The following MEIS3 variants were observed in gnomAD, a reference collection of about 807,000 sequenced individuals.
MEIS3 encodes the protein homeobox protein Meis3.
In MEIS3, 38 loss-of-function variants were observed where a neutral mutation model predicts 51.4. That is an observed-to-expected ratio of 0.74 (90% CI 0.57 to 0.97). The LOEUF (loss-of-function observed/expected upper bound fraction) is 0.97, where lower values mean the gene tolerates loss of function less well. MEIS3 is among the 50% of genes least tolerant of loss of function. The probability of loss-of-function intolerance (pLI) is 0.00; values close to 1 mark genes in which losing one functional copy is unlikely to be tolerated. For missense variants in MEIS3, 456 were observed against 502.6 expected (o/e 0.91, Z 0.89); for synonymous variants, 198 against 201.8 (o/e 0.98, Z 0.16).
Position 47,409,249 on chromosome 19 carries a change from T to A in MEIS3, c.710-2A>T. ...CCACGCTGGTGTCCAGCCCGTCTCCTGAGGGAAGGCAGGCATGCTGTGTGT... is the reference window on the plus strand; with the variant it reads ...CCACGCTGGTGTCCAGCCCGTCTCCAGAGGGAAGGCAGGCATGCTGTGTGT... On this transcript the variant is annotated splice_acceptor_variant, in intron 7 of 12. Coordinates refer to ENST00000558555, the MANE Select transcript of MEIS3 (RefSeq NM_001301059.2). LOFTEE classifies it high-confidence loss of function. 1 of 1,608,728 alleles carries A rather than the reference T, an allele frequency of 6.2e-7. No homozygotes were observed. Among genetic ancestry groups the A allele is most frequent in the South Asian group, 1.1e-5 (1 of 90,584 alleles).
chr19:47,420,938 A>ACTCT (rs1282443244), upstream of MEIS3, among the ~76,000 whole-genome samples: 15 of 83,612 alleles, frequency 1.8e-4, no homozygotes, highest in African/African-American at 6.0e-4. Context: ...ACACACACAC[A>ACTCT]CACTCTCTCT....
At chr19:47,421,292 T>C (rs1281624095), upstream of MEIS3, among the ~76,000 whole-genome samples, 1 of 151,966 alleles carries the variant, frequency 6.6e-6, no homozygotes, top group African/African-American at 2.4e-5. Flanking sequence ...CTGGGGGACC[T>C]CATGGGTCTC....
intron 6 of MEIS3, among the ~76,000 whole-genome samples, 194 bp downstream of exon 6, chr19:47,414,523 G>C (rs1971296269): frequency 6.6e-6 from 1 of 152,180 alleles, no homozygotes; most frequent in Admixed American, 6.5e-5. Context: ...GCGTGTGTCT[G>C]TGCACTGTTG....
upstream of MEIS3, among the ~76,000 whole-genome samples, chr19:47,422,117 T>G (rs1971728801): frequency 6.6e-6 from 1 of 151,880 alleles, no homozygotes; most frequent in South Asian, 2.1e-4. Flanking sequence ...CAGACTCCTG[T>G]GGCTCATTCG....
rs115782670 is a variant in MEIS3, at chr19:47,417,921, C to A, written c.13-571G>T. The A allele has an allele frequency of 9.8e-3, 5,541 of 567,866 alleles. 80 individuals are homozygous for A. Among genetic ancestry groups the A allele is most frequent in the East Asian group, 0.051 (1,744 of 34,434 alleles). 35.2% of individuals were successfully genotyped at this position (567,866 alleles called of 1,614,324 possible). A position where few individuals can be genotyped will look rare whatever the true frequency, so the allele number is the denominator to read the frequency against. ...GTGTCAGTCACACCCAAATCCCCCCCCCCACACACACATGCACACACACAT... is the reference window on the plus strand; with the variant it reads ...GTGTCAGTCACACCCAAATCCCCCCACCCACACACACATGCACACACACAT... On this transcript the variant is annotated intron_variant, in intron 1 of 12. Transcript: ENST00000558555.
chr19:47,417,951 A>G (rs1425466249), intron 1 of MEIS3: 1 of 522,634 alleles, frequency 1.9e-6, no homozygotes, highest in Non-Finnish European at 3.4e-6. Context: ...ACACATGCAC[A>G]CAGCCCAACA....
rs370671743 is a variant in MEIS3 at position 47,406,485 on chromosome 19, A to G, written c.1120T>C (p.Tyr374His). ...MSLNLEGEWHYL is the reference protein window; with the variant it reads ...MSLNLEGEWHHL ...CTCTCCTGCATCAGCCTCTATAGAT[A>G]ATGCCATTCTCCTTCCAAGTTCAAA... Residue 374 changes from tyrosine (Y) to histidine (H), a missense_variant, in exon 12 of 13, where the codon TAT becomes CAT. Transcript: ENST00000558555. 5 of 1,613,794 alleles carry G rather than the reference A, an allele frequency of 3.1e-6. No individual in the cohort carries two copies. The highest frequency in any genetic ancestry group is 4.2e-6 in the Non-Finnish European group (5 of 1,179,896).
chr19:47,417,481 C>A, intron 1 of MEIS3, 131 bp from the exon 2 acceptor site: 1 of 1,162,326 alleles, frequency 8.6e-7, no homozygotes. Context: ...CCTGTGGTCC[C>A]CAGGTGTCTG....
At position 47,407,415 on chromosome 19, in the gene MEIS3, G is replaced by C. The variant is rs749978826; in HGVS notation, c.872C>G (p.Ser291Trp). Residue 291 changes from serine (S) to tryptophan (W), a missense_variant, in exon 9 of 13, where the codon TCG becomes TGG. By Grantham distance (177) the Ser-to-Trp change is radical. Transcript: ENST00000558555. ...LFQHLSHPYPSEEQKKQLAQD... is the reference protein window; with the variant it reads ...LFQHLSHPYPWEEQKKQLAQD... ...CGCCAGCTGTTTCTTCTGCTCCTCC[G>C]AGGGGTACGGGTGCTGCAGCCACCA... The C allele has an allele frequency of 6.2e-7, 1 of 1,613,798 alleles. No individual in the cohort carries two copies. Among genetic ancestry groups the C allele is most frequent in the Non-Finnish European group, 8.5e-7 (1 of 1,179,902 alleles).
In MEIS3 at chr19:47,407,082, T is replaced by C; in HGVS notation, c.991A>G (p.Thr331Ala). 1 of 1,610,728 alleles carries C rather than the reference T, an allele frequency of 6.2e-7. No individual in the cohort carries two copies. The highest frequency in any genetic ancestry group is 8.5e-7 in the Non-Finnish European group (1 of 1,178,872). Residue 331 changes from threonine to alanine, a missense_variant, in exon 10 of 13, where the codon ACA becomes GCA. Thr to Ala is a moderately conservative substitution (Grantham distance 58). Transcript: ENST00000558555. ...VQPMIDQSNR[T>A]GQGAAFSPEG... ...CGTCCCCGCCTTCCCCCTGTACCTG[T>C]GCGGTTGGATTGATCGATCATAGGT...
chr19:47,420,643 G>A (rs927018099), upstream of MEIS3, among the ~76,000 whole-genome samples: 5 of 150,632 alleles, frequency 3.3e-5, no homozygotes, highest in African/African-American at 5.0e-5. Context: ...AGACCCTGGA[G>A]TCGTCCCTGC....
chr19:47,409,172 C>T lies in MEIS3; in HGVS notation c.785G>A (p.Arg262Gln), dbSNP rs563242031. 1.3e-5 allele frequency: 21 copies of T among 1,612,662 alleles called. No homozygotes were observed. Among genetic ancestry groups the T allele is most frequent in the African/African-American group, 1.2e-4 (9 of 74,954 alleles). Reference protein sequence around the residue: ...EDEDLDQERRRNKKRGIFPKV... With the variant: ...EDEDLDQERRQNKKRGIFPKV... ...GGGGAAGATCCCCCTCTTCTTGTTT[C>T]GCCGTCGCTCCTGGTCCAAGTCCTC... Residue 262 changes from arginine to glutamine, a missense_variant, in exon 8 of 13, where the codon CGA becomes CAA. By Grantham distance (43) the Arg-to-Gln change is conservative. Transcript: ENST00000558555.
In MEIS3 at chr19:47,409,422, C is replaced by T. The variant is rs777492599; in HGVS notation, c.709+14G>A. ...TGACTCCCATGTTTCCCTTCCACCT[C>T]CCAAGATTCTCACCTTGGTCACTGG... On this transcript the variant is annotated intron_variant, in intron 7 of 12. Coordinates refer to ENST00000558555, the MANE Select transcript of MEIS3 (RefSeq NM_001301059.2). 2.2e-5 allele frequency: 35 copies of T among 1,604,988 alleles called. No homozygotes were observed. Among genetic ancestry groups the T allele is most frequent in the East Asian group, 4.5e-5 (2 of 44,842 alleles).
rs113115068 is a variant in MEIS3, at chr19:47,403,725, G to A, written c.*18-172C>T. On this transcript the variant is annotated intron_variant, in intron 12 of 12. Transcript: ENST00000558555. ...TCACAGAGAGAAGAGACGCAGTGAC[G>A]AGAAAGAGGGAGACAGAGAATCAGA... is the stretch of plus-strand genomic sequence containing the variant. Among the ~76,000 whole-genome samples, 788 of 152,248 alleles carry A rather than the reference G, an allele frequency of 5.2e-3. 8 individuals carry two copies. Among genetic ancestry groups the A allele is most frequent in the African/African-American group, 0.018 (740 of 41,562 alleles).
intron 5 of MEIS3, 80 bp downstream of exon 5, chr19:47,414,971 G>C (rs1420719317): frequency 8.8e-7 from 1 of 1,131,084 alleles, no homozygotes; most frequent in Admixed American, 2.1e-5. Context: ...GGAGAGAGCT[G>C]GAAGGTGGGG....
chr19:47,416,968 G>C lies in MEIS3; in HGVS notation c.186-5C>G. On this transcript the variant is annotated splice_polypyrimidine_tract_variant and splice_region_variant and intron_variant, in intron 2 of 12. Coordinates refer to ENST00000558555, the MANE Select transcript of MEIS3 (RefSeq NM_001301059.2). ...AAGAGGGGGAAGAGCGGGTGTCTGGGGAGGCAGGAAAGGAGAGAGGTTGAG... is the reference window on the plus strand; with the variant it reads ...AAGAGGGGGAAGAGCGGGTGTCTGGCGAGGCAGGAAAGGAGAGAGGTTGAG... 6.4e-7 allele frequency: 1 copy of C among 1,573,632 alleles called. No homozygotes were observed. Among genetic ancestry groups the C allele is most frequent in the Middle Eastern group, 1.7e-4 (1 of 5,954 alleles).
intron 12 of MEIS3, 79 bp downstream of exon 12, chr19:47,406,381 G>A: frequency 1.6e-6 from 2 of 1,236,506 alleles, no homozygotes; most frequent in South Asian, 1.2e-5. Flanking sequence ...CCACTACTCT[G>A]GAAGTGCCCA....
At position 47,403,314 on chromosome 19, in the gene MEIS3, C is replaced by A. The variant is rs1164196821; in HGVS notation, c.*257G>T. 3 of 419,928 alleles carry A rather than the reference C, an allele frequency of 7.1e-6. No homozygotes were observed. Among genetic ancestry groups the A allele is most frequent in the Non-Finnish European group, 1.4e-5 (3 of 211,098 alleles). 26.0% of individuals were successfully genotyped at this position (419,928 alleles called of 1,614,324 possible). ...AGCCGCCATCTTCTGGGGACCAAGGCCCAGGAGCCCAGCTCGGGTCCCAGG... is the reference window on the plus strand; with the variant it reads ...AGCCGCCATCTTCTGGGGACCAAGGACCAGGAGCCCAGCTCGGGTCCCAGG... On this transcript the variant is annotated 3_prime_UTR_variant, in exon 13 of 13. Transcript: ENST00000558555.
rs1249273264 is a variant in MEIS3 at position 47,411,542 on chromosome 19, C to CTT, written c.598-1997_598-1996dup. The stretch of plus-strand genomic sequence containing the variant: ...TGGGGCTGTATTATCTTTTTCTTTT[C>CTT]TTTTTTTTTTTTTTTTGAGACGGAG... On this transcript the variant is annotated intron_variant, in intron 6 of 12. Transcript: ENST00000558555. 1.9e-3 allele frequency among the ~76,000 whole-genome samples: 187 copies of CTT among 96,034 alleles called. 2 individuals carry two copies. Among genetic ancestry groups the CTT allele is most frequent in the African/African-American group, 6.1e-3 (179 of 29,446 alleles). The allele number at this position is 96,034 out of a possible 152,430, so 63.0% of individuals were successfully genotyped here. A position where few individuals can be genotyped will look rare whatever the true frequency, so the allele number is the denominator to read the frequency against.
Sources: allele counts gnomAD v4.1 joint callset (sites outside exome capture counted in the v4.1 genomes callset), GRCh38; gene constraint gnomAD v4.1.1; transcripts MANE v1.5; gene names NCBI Gene and HGNC (gene_info 2026-07-23, HGNC 2026-07-21).